The following CANX variants were observed in gnomAD, a reference collection of about 807,000 sequenced individuals.
CANX encodes the protein calnexin.
In CANX, 14 loss-of-function variants were observed where a neutral mutation model predicts 75.7. That is an observed-to-expected ratio of 0.19 (90% CI 0.12 to 0.29). The LOEUF (loss-of-function observed/expected upper bound fraction) is 0.29, where lower values mean the gene tolerates loss of function less well. Among genes scored for constraint, CANX ranks in the 10% least tolerant of loss-of-function variants. The pLI is 1.00. For synonymous variants in CANX, 227 were observed against 236.9 expected, an observed-to-expected ratio of 0.96 and a Z score of 0.38; for missense variants, 567 against 713.2, an observed-to-expected ratio of 0.79 and a Z score of 2.34.
chr5:179,722,152 A>T (rs1057034300), intron 10 of CANX, among the ~76,000 whole-genome samples: 1 of 152,190 alleles, frequency 6.6e-6, no homozygotes, highest in African/African-American at 2.4e-5. Flanking sequence ...CAACATAGTG[A>T]AACACCATCT....
intron 4 of CANX, among the ~76,000 whole-genome samples, chr5:179,707,660 T>TA (rs1562475600): frequency 7.6e-6 from 1 of 132,240 alleles, no homozygotes; most frequent in Non-Finnish European, 1.7e-5. Context: ...TTTTTTTTTT[T>TA]TTTTTTTATT....
intron 14 of CANX, among the ~76,000 whole-genome samples, chr5:179,727,997 A>G (rs11738720): frequency 0.28 from 42,661 of 152,060 alleles, 6,336 homozygotes; most frequent in Non-Finnish European, 0.34. Context: ...ATTAATAAAG[A>G]TCATTGCTAT....
intron 9 of CANX, among the ~76,000 whole-genome samples, chr5:179,720,156 A>C (rs1778217086): frequency 6.6e-6 from 1 of 152,122 alleles, no homozygotes; most frequent in South Asian, 2.1e-4. Flanking sequence ...TATTGAAGTC[A>C]ATCTTAATAC....
chr5:179,715,563 A>C (rs185314972), intron 7 of CANX, among the ~76,000 whole-genome samples: 15 of 152,302 alleles, frequency 9.8e-5, no homozygotes, highest in Admixed American at 9.1e-4. Flanking sequence ...AATTTTAAAA[A>C]ATGCTTTTAT....
chr5:179,678,786 TCTC>T (rs1239178864), intron 1 of CANX: 8 of 1,536,884 alleles, frequency 5.2e-6, no homozygotes, highest in Admixed American at 3.9e-5. Context: ...AGGTAGTTGT[TCTC>T]CTCCAGCAAC....
chr5:179,727,502 C>G (rs750806810), intron 14 of CANX, among the ~76,000 whole-genome samples: 6 of 152,058 alleles, frequency 3.9e-5, no homozygotes, highest in Non-Finnish European at 5.9e-5. Context: ...GTATTGAGGC[C>G]TAAAGTGGTT....
chr5:179,709,071 C>T lies in CANX; in HGVS notation c.528+12C>T. 1 of 1,492,596 alleles carries T rather than the reference C, an allele frequency of 6.7e-7. No individual in the cohort carries two copies. Among genetic ancestry groups the T allele is most frequent in the Admixed American group, 1.7e-5 (1 of 59,842 alleles). 92.5% of individuals were successfully genotyped at this position (1,492,596 alleles called of 1,614,324 possible). A position where few individuals can be genotyped will look rare whatever the true frequency, so the allele number is the denominator to read the frequency against. Reference sequence around the variant, plus strand: ...CAGAACTCAACCTGGTATGTAATTCCCATTTCTGGAATGTGGCTGGACACC... The same window carrying T: ...CAGAACTCAACCTGGTATGTAATTCTCATTTCTGGAATGTGGCTGGACACC... On this transcript the variant is annotated intron_variant, in intron 6 of 14. Transcript: ENST00000247461.
chr5:179,718,118 C>T (rs1204278314), intron 8 of CANX, among the ~76,000 whole-genome samples: 2 of 152,172 alleles, frequency 1.3e-5, no homozygotes, highest in African/African-American at 2.4e-5. Flanking sequence ...GATCCTCTCC[C>T]GCCTTAGCTT....
At chr5:179,711,486 AAGAAT>A (rs1777548902) in intron 7 of CANX, among the ~76,000 whole-genome samples, 1 of 151,744 alleles carries the variant, frequency 6.6e-6, no homozygotes, top group Admixed American at 6.6e-5. Context: ...AGATAATTTT[AAGAAT>A]AGAATAGGTG....
chr5:179,708,520 T>C (rs987329667), intron 5 of CANX, 140 bp downstream of exon 5: 4 of 601,336 alleles, frequency 6.7e-6, no homozygotes. Context: ...AAACACCTTG[T>C]AATTAATAGT....
At chr5:179,694,551 G>T, upstream of CANX, 1 of 812,172 alleles carries the variant, frequency 1.2e-6, no homozygotes. Context: ...TGGAGATGTG[G>T]CAAAAAAGCT....
intron 1 of CANX, among the ~76,000 whole-genome samples, chr5:179,686,866 C>T (rs756871334): frequency 2.6e-5 from 4 of 152,194 alleles, no homozygotes; most frequent in Non-Finnish European, 5.9e-5. Flanking sequence ...CAACTTCCGG[C>T]TCCAGGGTTC....
intron 1 of CANX, among the ~76,000 whole-genome samples, chr5:179,682,449 G>A (rs1331866942): frequency 2.0e-5 from 3 of 151,918 alleles, no homozygotes; most frequent in African/African-American, 7.3e-5. Context: ...AGTGGCTCAC[G>A]CCTGTAATCC....
At chr5:179,689,378 A>AGTTTT (rs1776254583) in intron 1 of CANX, among the ~76,000 whole-genome samples, 1 of 98,232 alleles carries the variant, frequency 1.0e-5, no homozygotes, top group East Asian at 3.4e-4. Context: ...AAACCCAACA[A>AGTTTT]GTTTTTTTTT....
chr5:179,698,368 G>A (rs760116357), upstream of CANX: 4 of 1,183,262 alleles, frequency 3.4e-6, no homozygotes, highest in East Asian at 6.2e-5. Context: ...CTCCTGGGCC[G>A]AGCCATGACT....
intron 13 of CANX, among the ~76,000 whole-genome samples, chr5:179,725,831 T>A (rs1562520228): frequency 1.5e-5 from 2 of 136,846 alleles, no homozygotes; most frequent in Non-Finnish European, 3.1e-5. Flanking sequence ...CTACTTAAAA[T>A]AAAAAAGTTA....
At chr5:179,706,607 T>C (rs10903245) in intron 3 of CANX, among the ~76,000 whole-genome samples, 68,747 of 151,946 alleles carry the variant, frequency 0.45, 17,216 homozygotes, top group South Asian at 0.63. Context: ...CCATGCTGGC[T>C]AATTTGTGTG....
upstream of CANX, among the ~76,000 whole-genome samples, chr5:179,693,701 C>G (rs186944300): frequency 6.6e-6 from 1 of 151,128 alleles, no homozygotes; most frequent in Non-Finnish European, 1.5e-5. Flanking sequence ...AAACTAGCCA[C>G]GCATGGTGGT....
At chr5:179,695,467 T>G (rs1440831379), upstream of CANX, among the ~76,000 whole-genome samples, 7 of 149,890 alleles carry the variant, frequency 4.7e-5, no homozygotes, top group African/African-American at 1.7e-4. Context: ...GTAGCTGGGA[T>G]TACAGGCATT....
Sources: allele counts gnomAD v4.1 joint callset (sites outside exome capture counted in the v4.1 genomes callset), GRCh38; gene constraint gnomAD v4.1.1; transcripts MANE v1.5; gene names NCBI Gene and HGNC (gene_info 2026-07-23, HGNC 2026-07-21).